TMEM232: variants seen among roughly 807,000 people sequenced by gnomAD.
TMEM232 encodes the protein transmembrane protein 232.
Under a neutral mutation model 78.8 loss-of-function variants are expected in TMEM232, and 80 were observed. That is an observed-to-expected ratio of 1.01 (90% CI 0.85 to 1.22). The LOEUF is 1.22. TMEM232 is among the 50% of genes most tolerant of loss of function. The pLI, the probability that TMEM232 is intolerant of heterozygous loss-of-function variation, is 0.00. For missense variants in TMEM232, 881 were observed against 742.2 expected (o/e 1.19, Z -2.17); for synonymous variants, 297 against 254.3 (o/e 1.17, Z -1.60).
chr5:110,413,989 T>C (rs1756093478), intron 2 of TMEM232, among the ~76,000 whole-genome samples: 1 of 151,928 alleles, frequency 6.6e-6, no homozygotes, highest in Non-Finnish European at 1.5e-5. Context: ...AGCCAGAAAA[T>C]AGAAAGCACT....
intron 2 of TMEM232, among the ~76,000 whole-genome samples, chr5:110,642,796 G>T (rs1020018916): frequency 2.0e-5 from 3 of 152,036 alleles, no homozygotes; most frequent in Non-Finnish European, 4.4e-5. Context: ...TGGATTTGAG[G>T]GAGCAAGGGA....
At chr5:110,426,596 A>C (rs918257563) in intron 12 of TMEM232, among the ~76,000 whole-genome samples, 1 of 152,000 alleles carries the variant, frequency 6.6e-6, no homozygotes, top group African/African-American at 2.4e-5. Flanking sequence ...AAAAGAAAAC[A>C]ATGGAAGTTA....
chr5:110,524,000 C>A (rs918869867), intron 12 of TMEM232, among the ~76,000 whole-genome samples: 1 of 144,750 alleles, frequency 6.9e-6, no homozygotes, highest in Non-Finnish European at 1.5e-5. Flanking sequence ...CCTGGTGGCT[C>A]ACGCCTGTAA....
intron 1 of TMEM232, among the ~76,000 whole-genome samples, chr5:110,698,417 C>T (rs1795054932): frequency 1.3e-5 from 2 of 151,838 alleles, no homozygotes; most frequent in African/African-American, 4.8e-5. Context: ...CACACGTACC[C>T]TAAAACTTAA....
At chr5:110,439,552 G>A (rs779548755) in intron 12 of TMEM232, among the ~76,000 whole-genome samples, 1 of 151,816 alleles carries the variant, frequency 6.6e-6, no homozygotes, top group South Asian at 2.1e-4. Context: ...CATCCCAAGG[G>A]GCTCTGTCTC....
chr5:110,392,262 G>A (rs1008492388), intron 3 of TMEM232, among the ~76,000 whole-genome samples: 1 of 152,160 alleles, frequency 6.6e-6, no homozygotes, highest in Non-Finnish European at 1.5e-5. Flanking sequence ...AAGGAGAAGA[G>A]TGAATAAATA....
chr5:110,391,892 G>T (rs1415793479), intron 3 of TMEM232, among the ~76,000 whole-genome samples: 1 of 152,118 alleles, frequency 6.6e-6, no homozygotes, highest in Non-Finnish European at 1.5e-5. Flanking sequence ...AAATAGCGAG[G>T]TGCTTAGTGA....
chr5:110,640,739 CAAAATGAATTTTCATA>C, intron 4 of TMEM232, 136 bp downstream of exon 4: 1 of 427,768 alleles, frequency 2.3e-6, no homozygotes, highest in Non-Finnish European at 4.0e-6. Flanking sequence ...TTCAAAATTA[CAAAATGAATTTTCATA>C]ATAAAATGTA....
Position 110,420,701 on chromosome 5 carries a change from T to C in TMEM232, c.1853A>G (p.Glu618Gly). 6.5e-7 allele frequency: 1 copy of C among 1,527,820 alleles called. No individual in the cohort carries two copies. The highest frequency in any genetic ancestry group is 2.5e-5 in the East Asian group (1 of 40,410). The allele number at this position is 1,527,820 out of a possible 1,614,324, so 94.6% of individuals were successfully genotyped here. A position where few individuals can be genotyped will look rare whatever the true frequency, so the allele number is the denominator to read the frequency against. Residue 618 changes from glutamate to glycine, a missense_variant, in exon 14 of 14, where the codon GAA (glutamate) becomes GGA (glycine). Coordinates refer to ENST00000455884, the MANE Select transcript of TMEM232 (RefSeq NM_001039763.4). ...EKEDAICKAQ[E>G]LKDKKLAEKN... is the part of the protein sequence containing the mutation. Reference sequence around the variant, plus strand: ...CTCTGCTAACTTTTTATCTTTAAGTTCTTGGGCCTTGCATATTGCATCTTC... The same window carrying C: ...CTCTGCTAACTTTTTATCTTTAAGTCCTTGGGCCTTGCATATTGCATCTTC...
At chr5:110,620,393 C>A (rs771659697) in intron 7 of TMEM232, among the ~76,000 whole-genome samples, 37 of 152,138 alleles carry the variant, frequency 2.4e-4, no homozygotes, top group Non-Finnish European at 5.3e-4. Flanking sequence ...GTCACTCTGC[C>A]ACCCACAAAA....
At chr5:110,500,265 G>A (rs1227788748) in intron 12 of TMEM232, among the ~76,000 whole-genome samples, 1 of 143,272 alleles carries the variant, frequency 7.0e-6, no homozygotes, top group African/African-American at 2.7e-5. Context: ...CTCTAGCCTG[G>A]GTGACAGAGC....
At chr5:110,472,113 C>T (rs1207480650) in intron 12 of TMEM232, among the ~76,000 whole-genome samples, 1 of 151,912 alleles carries the variant, frequency 6.6e-6, no homozygotes, top group Non-Finnish European at 1.5e-5. Flanking sequence ...TCGAACTGTC[C>T]TGATCTGCAG....
chr5:110,399,808 C>A (rs1580554582), intron 2 of TMEM232, among the ~76,000 whole-genome samples: 1 of 152,104 alleles, frequency 6.6e-6, no homozygotes, highest in Admixed American at 6.5e-5. Flanking sequence ...GTTGCCCTTC[C>A]TTACCAGATT....
At chr5:110,688,687 G>T (rs55842643) in intron 1 of TMEM232, among the ~76,000 whole-genome samples, 2 of 152,156 alleles carry the variant, frequency 1.3e-5, no homozygotes, top group Non-Finnish European at 2.9e-5. Context: ...TGATGCATGA[G>T]CACTGTGAAA....
rs776789106 is a variant in TMEM232, at chr5:110,606,184, T to C, written c.1006A>G (p.Ile336Val). Residue 336 changes from isoleucine (I) to valine (V), a missense_variant, in exon 9 of 14, where the codon ATT (isoleucine) becomes GTT (valine). Physicochemically the swap from Ile to Val is conservative, Grantham distance 29. Coordinates refer to ENST00000455884, the MANE Select transcript of TMEM232 (RefSeq NM_001039763.4). ...GTTACCTGATTTTGAACAGACATAA[T>C]GCTTGAAACAAAATCTCTCACTACG... ...MDVVRDFVSS[I>V]MSVQNQEESC... The C allele has an allele frequency of 3.9e-6, 6 of 1,547,720 alleles. No homozygotes were observed. Among genetic ancestry groups the C allele is most frequent in the South Asian group, 3.6e-5 (3 of 83,582 alleles).
At chr5:110,663,072 T>C (rs909316672) in intron 2 of TMEM232, among the ~76,000 whole-genome samples, 1 of 152,120 alleles carries the variant, frequency 6.6e-6, no homozygotes, top group African/African-American at 2.4e-5. Flanking sequence ...ATGTATGCCA[T>C]GATGCCCATA....
chr5:110,667,501 G>A, intron 1 of TMEM232, 137 bp from the exon 2 acceptor site: 2 of 609,348 alleles, frequency 3.3e-6, no homozygotes, highest in Non-Finnish European at 2.6e-6. Flanking sequence ...TATTAAGGAA[G>A]AATTTAAATA....
At chr5:110,561,157 T>C (rs895607786) in intron 11 of TMEM232, among the ~76,000 whole-genome samples, 2 of 152,094 alleles carry the variant, frequency 1.3e-5, no homozygotes, top group African/African-American at 4.8e-5. Flanking sequence ...TTTTGTAGAT[T>C]TTCTTAAAAT....
intron 1 of TMEM232, among the ~76,000 whole-genome samples, chr5:110,709,992 GA>G (rs1796308850): frequency 6.6e-6 from 1 of 151,382 alleles, no homozygotes; most frequent in African/African-American, 2.4e-5. Flanking sequence ...CCAGTTTTTT[GA>G]AAAGATAAAC....
Sources: gnomAD v4.1 joint callset for allele counts (sites outside exome capture counted in the v4.1 genomes callset) on GRCh38, gnomAD v4.1.1 for gene constraint, MANE v1.5 for transcripts, NCBI Gene and HGNC (gene_info 2026-07-23, HGNC 2026-07-21) for gene names.